Variants in PCDHGA2 observed in about 807,000 individuals in gnomAD.
The protein encoded by PCDHGA2 is protocadherin gamma-A2.
A neutral mutation model predicts 59.2 loss-of-function variants in PCDHGA2; 40 were observed. The observed-to-expected ratio is 0.68, with a 90% confidence interval of 0.52 to 0.88. The LOEUF (loss-of-function observed/expected upper bound fraction) is 0.88. PCDHGA2 is among the 40% of genes least tolerant of loss of function. PCDHGA2 has a pLI of 0.00. For synonymous variants in PCDHGA2, 560 were observed against 526.0 expected, an observed-to-expected ratio of 1.06 and a Z score of -0.89; for missense variants, 1,226 against 1,204.0, an observed-to-expected ratio of 1.02 and a Z score of -0.27.
At chr5:141,483,258 T>G (rs2099579023) in intron 1 of PCDHGA2, among the ~76,000 whole-genome samples, 1 of 137,930 alleles carries the variant, frequency 7.3e-6, no homozygotes, top group South Asian at 2.1e-4. Flanking sequence ...TCATGAGGTT[T>G]TTTTGTTTTA....
At chr5:141,508,017 G>C (rs2099865601) in intron 3 of PCDHGA2, 1 of 152,310 alleles carries the variant, frequency 6.6e-6, no homozygotes, top group Non-Finnish European at 1.5e-5. Context: ...TCTCAAGGAG[G>C]CTGCGGTTTG....
intron 1 of PCDHGA2, among the ~76,000 whole-genome samples, chr5:141,353,538 A>G (rs781518316): frequency 2.3e-4 from 35 of 152,310 alleles, no homozygotes; most frequent in Non-Finnish European, 4.0e-4. Context: ...TTGCATCACT[A>G]ACTTTGAGTC....
At position 141,476,318 on chromosome 5, in the gene PCDHGA2, G is replaced by A. The variant is rs767809530; in HGVS notation, c.2425-18489G>A. ...TAGCCTCTCAGCCCGCAGGTTCCGG[G>A]TGGTGTCTGGAGCTAGCCGAAGATT... is the stretch of plus-strand genomic sequence containing the variant. On this transcript the variant is annotated intron_variant, in intron 1 of 3. Coordinates refer to ENST00000394576, the MANE Select transcript of PCDHGA2 (RefSeq NM_018915.4). This position sits in a 1 kb window ranked among gnomAD's most constrained non-coding sequence, Gnocchi z 7.6. The A allele has an allele frequency of 6.2e-6, 10 of 1,614,084 alleles. No homozygotes were observed. Among genetic ancestry groups the A allele is most frequent in the Non-Finnish European group, 7.6e-6 (9 of 1,180,060 alleles).
chr5:141,507,495 G>A (rs375483743), intron 3 of PCDHGA2, among the ~76,000 whole-genome samples: 5 of 152,352 alleles, frequency 3.3e-5, no homozygotes, highest in East Asian at 3.9e-4. Flanking sequence ...AGGCAGAGCT[G>A]TCCCAGGTCT....
intron 1 of PCDHGA2, chr5:141,403,090 C>T (rs2094352394): frequency 6.2e-7 from 1 of 1,614,068 alleles, no homozygotes; most frequent in Non-Finnish European, 8.5e-7. Context: ...ATATTGTGGG[C>T]AACATCTCCA....
intron 1 of PCDHGA2, chr5:141,351,206 G>T: frequency 6.2e-7 from 1 of 1,614,040 alleles, no homozygotes; most frequent in Non-Finnish European, 8.5e-7. Context: ...GTTGAGTGTG[G>T]AAGCTAAGGA....
chr5:141,386,009 G>T (rs956571005), intron 1 of PCDHGA2: 7 of 152,222 alleles, frequency 4.6e-5, no homozygotes, highest in Non-Finnish European at 8.8e-5. Context: ...CATTTTAAGT[G>T]TTGTAATTGG....
chr5:141,348,632 T>TA (rs914216504), intron 1 of PCDHGA2, among the ~76,000 whole-genome samples: 4 of 152,168 alleles, frequency 2.6e-5, no homozygotes, highest in African/African-American at 9.7e-5. Flanking sequence ...CTTGTACAGG[T>TA]AATGGAAGGT....
intron 1 of PCDHGA2, chr5:141,361,534 C>T (rs1251295002): frequency 2.5e-6 from 4 of 1,614,058 alleles, no homozygotes; most frequent in Non-Finnish European, 2.5e-6. Flanking sequence ...GAACAATCCT[C>T]CTGGCGCCTC....
At chr5:141,350,357 T>A in intron 1 of PCDHGA2, 2 of 1,568,848 alleles carry the variant, frequency 1.3e-6, no homozygotes, top group Non-Finnish European at 1.7e-6. Flanking sequence ...GCAGATCCGA[T>A]ACACGATTCC....
intron 1 of PCDHGA2, chr5:141,413,232 G>A (rs374674787): frequency 1.1e-4 from 170 of 1,613,834 alleles, no homozygotes; most frequent in Non-Finnish European, 1.4e-4. Context: ...GGCTGGTCCT[G>A]CTCTGCCTTT....
rs61749035 is a variant in PCDHGA2 at position 141,339,183 on chromosome 5, G to T, written c.212G>T (p.Arg71Met). The T allele has an allele frequency of 2.6e-3, 4,135 of 1,614,114 alleles. 111 individuals are homozygous for T. The African/African-American group carries it at 0.048, about 19-fold the overall frequency. Residue 71 changes from arginine (R) to methionine (M), a missense_variant, in exon 1 of 4, where the codon AGG becomes ATG. Arg to Met is a moderately conservative substitution (Grantham distance 91, BLOSUM62 -1). Transcript: ENST00000394576. ...GGAGTCCGCATCGTCTCCAGAGGTA[G>T]GTCCCAGCTCTTTGCTCTGAACCCG... Reference protein sequence around the residue: ...EQGVRIVSRGRSQLFALNPRS... With the variant: ...EQGVRIVSRGMSQLFALNPRS...
chr5:141,485,106 TGGCTGTTTGGGGCGGGTC>T lies in PCDHGA2; in HGVS notation c.2425-9696_2425-9679del. 1 of 1,206,448 alleles carries T rather than the reference TGGCTGTTTGGGGCGGGTC, an allele frequency of 8.3e-7. No homozygotes were observed. The highest frequency in any genetic ancestry group is 1.2e-6 in the Non-Finnish European group (1 of 828,284). 74.7% of individuals were successfully genotyped at this position (1,206,448 alleles called of 1,614,324 possible). Reference sequence around the variant, plus strand: ...GGGAGATAGGTGTCTCCAGCTGCTGTGGCTGTTTGGGGCGGGTCGGCTTCATCCGCGTCTCAGGAGCAA... The same window carrying T: ...GGGAGATAGGTGTCTCCAGCTGCTGTGGCTTCATCCGCGTCTCAGGAGCAA... On this transcript the variant is annotated intron_variant, in intron 1 of 3. Coordinates refer to ENST00000394576, the MANE Select transcript of PCDHGA2 (RefSeq NM_018915.4). This position sits in a 1 kb window ranked among gnomAD's most constrained non-coding sequence, Gnocchi z 5.7.
intron 1 of PCDHGA2, chr5:141,422,646 C>T (rs748692494): frequency 5.0e-6 from 8 of 1,611,836 alleles, no homozygotes; most frequent in Non-Finnish European, 6.8e-6. Flanking sequence ...CCTCCATCTT[C>T]TCAGTGACCG....
At position 141,421,347 on chromosome 5, in the gene PCDHGA2, C is replaced by T. The variant is rs147068995; in HGVS notation, c.2425-73460C>T. 359 of 1,613,948 alleles carry T rather than the reference C, an allele frequency of 2.2e-4. 2 individuals carry two copies. In the East Asian group the frequency reaches 6.5e-3, roughly 29 times the overall value. On this transcript the variant is annotated intron_variant, in intron 1 of 3. Coordinates refer to ENST00000394576, the MANE Select transcript of PCDHGA2 (RefSeq NM_018915.4). ...TCCGATATTCGGTGCCAGAAGAGAC[C>T]GAAAAGGGCTCCTTCGTGGGCAATA...
intron 2 of PCDHGA2, among the ~76,000 whole-genome samples, chr5:141,498,618 G>A (rs191513899): frequency 1.3e-5 from 2 of 152,220 alleles, no homozygotes; most frequent in East Asian, 3.9e-4. Context: ...TCAGCACTGG[G>A]TCACACTGCC....
chr5:141,422,587 CCTCA>C, intron 1 of PCDHGA2: 1 of 1,614,032 alleles, frequency 6.2e-7, no homozygotes, highest in Non-Finnish European at 8.5e-7. Context: ...TCCCGTTTTT[CCTCA>C]CTCCTCTTAC....
intron 1 of PCDHGA2, chr5:141,398,884 G>C: frequency 6.2e-7 from 1 of 1,613,952 alleles, no homozygotes; most frequent in Non-Finnish European, 8.5e-7. Flanking sequence ...CAGCCTTCGG[G>C]AAAACGTGCC....
chr5:141,340,485 T>C lies in PCDHGA2; in HGVS notation c.1514T>C (p.Ile505Thr). Residue 505 changes from isoleucine (I) to threonine (T), a missense_variant, in exon 1 of 4, where the codon ATC (isoleucine) becomes ACC (threonine). Ile to Thr is a moderately conservative substitution (Grantham distance 89, BLOSUM62 -1). Coordinates refer to ENST00000394576, the MANE Select transcript of PCDHGA2 (RefSeq NM_018915.4). ...CAGGGGGCACCCTTATCCTCTTACA[T>C]CTCTATCAACTCCGACACTGGAGTA... ...TVQGAPLSSY[I>T]SINSDTGVLY... The C allele has an allele frequency of 3.1e-6, 5 of 1,614,154 alleles. No individual in the cohort carries two copies. Among genetic ancestry groups the C allele is most frequent in the Non-Finnish European group, 4.2e-6 (5 of 1,180,024 alleles).
Sources: gnomAD v4.1 joint callset for allele counts (sites outside exome capture counted in the v4.1 genomes callset) on GRCh38, gnomAD v4.1.1 for gene constraint, Gnocchi (gnomAD v3.1) non-coding constraint, MANE v1.5 for transcripts, NCBI Gene and HGNC (gene_info 2026-07-23, HGNC 2026-07-21) for gene names.